The following KIF4B variants were observed in gnomAD, a reference collection of about 807,000 sequenced individuals.
KIF4B encodes kinesin family member 4B.
Under a neutral mutation model 69.0 loss-of-function variants are expected in KIF4B, and 60 were observed. The observed-to-expected ratio is 0.87, with a 90% CI of 0.71 to 1.08. The LOEUF (loss-of-function observed/expected upper bound fraction) is 1.08, where lower values mean the gene tolerates loss of function less well. Ranked by LOEUF, KIF4B falls within the 50% of genes least tolerant of loss-of-function variation. The pLI is 0.00. For missense variants in KIF4B, 1,357 were observed against 1,451.9 expected (o/e 0.93, Z 1.06); for synonymous variants, 489 against 533.0 (o/e 0.92, Z 1.14).
rs987610329 is a variant in KIF4B, at chr5:155,014,499, G to A, written c.640G>A (p.Ala214Thr). 19 of 1,613,970 alleles carry A rather than the reference G, an allele frequency of 1.2e-5. No individual in the cohort carries two copies. The African/African-American group carries it at 2.1e-4, about 18-fold the overall frequency. Residue 214 changes from alanine (A) to threonine (T), a missense_variant, in exon 1 of 1, where the codon GCC becomes ACC. Coordinates refer to ENST00000435029, the MANE Select transcript of KIF4B (RefSeq NM_001099293.3). ...GAACTCCCAGTCGTCCCGATCTCATGCCATCTTTACAATCTCCATAGAGCA... is the reference window on the plus strand; with the variant it reads ...GAACTCCCAGTCGTCCCGATCTCATACCATCTTTACAATCTCCATAGAGCA... ...AMNSQSSRSH[A>T]IFTISIEQRK... is the part of the protein sequence containing the mutation.
chr5:155,016,968 C>A lies in KIF4B; in HGVS notation c.3109C>A (p.Gln1037Lys), dbSNP rs1477992451. The A allele has an allele frequency of 1.2e-6, 2 of 1,614,194 alleles. No homozygotes were observed. The highest frequency in any genetic ancestry group is 1.7e-5 in the Admixed American group (1 of 60,028). ...TCGTGTTAAAGAAAAGTTTCTGGAG[C>A]AAAGCATGGACATCGAGGATCTAAA... The part of the protein sequence containing the change: ...PSRVKEKFLE[Q>K]SMDIEDLKYC... The change falls in exon 1 of 1, where the codon CAA (glutamine) becomes AAA (lysine). Residue 1037 changes from glutamine (Q) to lysine (K), a missense_variant. By Grantham distance (53) the Gln-to-Lys change is moderately conservative. Transcript: ENST00000435029.
At position 155,013,994 on chromosome 5, in the gene KIF4B, T is replaced by C; in HGVS notation, c.135T>C (p.Thr45=). ...GGGAGACTCAGGTGGTGGTTGGTAC[T>C]GATAAATCCTTCACCTACGATTTTG... ...VPGETQVVVG[T]DKSFTYDFVF... Residue 45 remains threonine (T), a synonymous_variant, in exon 1 of 1, where the codon ACT becomes ACC. Coordinates refer to ENST00000435029, the MANE Select transcript of KIF4B (RefSeq NM_001099293.3). The C allele has an allele frequency of 1.2e-6, 2 of 1,614,258 alleles. No individual in the cohort carries two copies. Among genetic ancestry groups the C allele is most frequent in the Non-Finnish European group, 1.7e-6 (2 of 1,180,048 alleles).
chr5:155,016,244 C>G lies in KIF4B; in HGVS notation c.2385C>G (p.Leu795=), dbSNP rs200288999. 8.1e-6 allele frequency: 13 copies of G among 1,614,144 alleles called. No homozygotes were observed. In the African/African-American group the frequency reaches 9.3e-5, roughly 12 times the overall value. ...KESRENPPPK[L]RKCTFSLSEV... Reference sequence around the variant, plus strand: ...CTCGGGAGAATCCACCTCCTAAACTCCGGAAGTGTACATTCTCCCTTTCTG... The same window carrying G: ...CTCGGGAGAATCCACCTCCTAAACTGCGGAAGTGTACATTCTCCCTTTCTG... The change falls in exon 1 of 1, where the codon CTC becomes CTG. Residue 795 remains leucine (L), a synonymous_variant. Coordinates refer to ENST00000435029, the MANE Select transcript of KIF4B (RefSeq NM_001099293.3).
At position 155,013,897 on chromosome 5, in the gene KIF4B, C is replaced by A; in HGVS notation, c.38C>A (p.Ala13Glu). The change falls in exon 1 of 1, where the codon GCA becomes GAA. Residue 13 changes from alanine to glutamate, a missense_variant. Ala to Glu is a moderately radical substitution (Grantham distance 107). Transcript: ENST00000435029. ...EEVKGIPVRVALRCRPLVPKE... is the reference protein window; with the variant it reads ...EEVKGIPVRVELRCRPLVPKE... ...GTGAAGGGAATTCCTGTAAGAGTGG[C>A]ACTGCGTTGTCGCCCTCTGGTCCCC... is the stretch of plus-strand genomic sequence containing the variant. 1 of 1,614,040 alleles carries A rather than the reference C, an allele frequency of 6.2e-7. No homozygotes were observed. Among genetic ancestry groups the A allele is most frequent in the Non-Finnish European group, 8.5e-7 (1 of 1,180,040 alleles).
chr5:155,017,036 T>A lies in KIF4B; in HGVS notation c.3177T>A (p.Asp1059Glu). The A allele has an allele frequency of 6.2e-7, 1 of 1,614,190 alleles. No homozygotes were observed. The highest frequency in any genetic ancestry group is 2.2e-5 in the East Asian group (1 of 44,886). ...EHSVNEHEDGDGDGDSDEGDD... is the reference protein window; with the variant it reads ...EHSVNEHEDGEGDGDSDEGDD... ...CTGTGAATGAGCATGAAGATGGTGA[T>A]GGTGATGGCGACAGTGATGAGGGGG... is the stretch of plus-strand genomic sequence containing the variant. The change falls in exon 1 of 1, where the codon GAT becomes GAA. Residue 1059 changes from aspartate to glutamate, a missense_variant. Physicochemically the swap from Asp to Glu is conservative, Grantham distance 45 (BLOSUM62 2). Transcript: ENST00000435029.
rs1765312907 is a variant in KIF4B at position 155,015,629 on chromosome 5, C to G, written c.1770C>G (p.Asn590Lys). 4.3e-6 allele frequency: 7 copies of G among 1,614,154 alleles called. No individual in the cohort carries two copies. In the East Asian group the frequency reaches 1.6e-4, roughly 36 times the overall value. The change falls in exon 1 of 1, where the codon AAC becomes AAG. Residue 590 changes from asparagine to lysine, a missense_variant. Transcript: ENST00000435029. Reference sequence around the variant, plus strand: ...TTCAGACAGCAAAGAAGAATGTCAACCAAGCCAAGCTGAGTGAGCACCGCC... The same window carrying G: ...TTCAGACAGCAAAGAAGAATGTCAAGCAAGCCAAGCTGAGTGAGCACCGCC... The part of the protein sequence containing the change: ...RELQTAKKNV[N>K]QAKLSEHRHK...
Position 155,015,818 on chromosome 5 carries a change from A to G in KIF4B, c.1959A>G (p.Gln653=), listed in dbSNP as rs1252583796. 1 of 1,614,262 alleles carries G rather than the reference A, an allele frequency of 6.2e-7. No individual in the cohort carries two copies. The highest frequency in any genetic ancestry group is 1.1e-5 in the South Asian group (1 of 91,086). Residue 653 remains glutamine (Q), a synonymous_variant, in exon 1 of 1, where the codon CAA becomes CAG. Transcript: ENST00000435029. ...ACCAGCGGGTACAGTTAATGCGTCA[A>G]ATGAAAGAGGATGCTGAGAAGTTTA... is the stretch of plus-strand genomic sequence containing the variant. The part of the protein sequence containing the change: ...MKNQRVQLMR[Q]MKEDAEKFRQ...
chr5:155,014,970 G>A lies in KIF4B; in HGVS notation c.1111G>A (p.Gly371Ser), dbSNP rs372387001. ...LQVLLLQAHG[G>S]TLPGSINAEP... ...AGTCTTGTTGCTACAAGCCCATGGA[G>A]GTACCCTGCCTGGATCTATAAATGC... The change falls in exon 1 of 1, where the codon GGT (glycine) becomes AGT (serine). Residue 371 changes from glycine (G) to serine (S), a missense_variant. Physicochemically the swap from Gly to Ser is moderately conservative, Grantham distance 56 (BLOSUM62 0). Transcript: ENST00000435029. 1 of 1,614,180 alleles carries A rather than the reference G, an allele frequency of 6.2e-7. No individual in the cohort carries two copies. Among genetic ancestry groups the A allele is most frequent in the South Asian group, 1.1e-5 (1 of 91,092 alleles).
In KIF4B at chr5:155,015,932, A is replaced by T. The variant is rs144537396; in HGVS notation, c.2073A>T (p.Arg691Ser). The change falls in exon 1 of 1, where the codon AGA (arginine) becomes AGT (serine). Residue 691 changes from arginine to serine, a missense_variant. Arg to Ser is a moderately radical substitution (Grantham distance 110). Transcript: ENST00000435029. ...AATATGAGCTGCTCAAACTTGAAAG[A>T]AACTTCCAGAAACAATCCAGTGTGC... is the stretch of plus-strand genomic sequence containing the variant. ...KRQYELLKLE[R>S]NFQKQSSVLR... 6.2e-7 allele frequency: 1 copy of T among 1,614,266 alleles called. No individual in the cohort carries two copies. The highest frequency in any genetic ancestry group is 1.3e-5 in the African/African-American group (1 of 75,070).
Position 155,015,231 on chromosome 5 carries a change from G to T in KIF4B, c.1372G>T (p.Glu458Ter), listed in dbSNP as rs1414542412. 21 of 1,614,060 alleles carry T rather than the reference G, an allele frequency of 1.3e-5. No individual in the cohort carries two copies. The highest frequency in any genetic ancestry group is 1.7e-5 in the Non-Finnish European group (20 of 1,180,050). ...QKLVETLEDQ[E>*]LKENVEIICN... ...GCTAGTGGAGACTTTGGAAGACCAG[G>T]AATTGAAAGAAAATGTAGAGATAAT... The change falls in exon 1 of 1, where the codon GAA (glutamate) becomes TAA (stop). Residue 458 changes from glutamate to a stop codon, truncating the protein, a stop_gained. Coordinates refer to ENST00000435029, the MANE Select transcript of KIF4B (RefSeq NM_001099293.3). LOFTEE classifies it high-confidence loss of function.
chr5:155,017,242 G>A lies in KIF4B; in HGVS notation c.3383G>A (p.Ser1128Asn). Residue 1128 changes from serine to asparagine, a missense_variant, in exon 1 of 1, where the codon AGC becomes AAC. Ser to Asn is a conservative substitution (Grantham distance 46, BLOSUM62 1). Coordinates refer to ENST00000435029, the MANE Select transcript of KIF4B (RefSeq NM_001099293.3). ...KCRNRQQGKD[S>N]LGTVEQTQDS... Reference sequence around the variant, plus strand: ...CGGAACCGCCAGCAAGGCAAGGATAGCTTGGGCACTGTTGAACAGACCCAG... The same window carrying A: ...CGGAACCGCCAGCAAGGCAAGGATAACTTGGGCACTGTTGAACAGACCCAG... 6.2e-7 allele frequency: 1 copy of A among 1,614,226 alleles called. No individual in the cohort carries two copies. Among genetic ancestry groups the A allele is most frequent in the Non-Finnish European group, 8.5e-7 (1 of 1,180,044 alleles).
rs1446702250 is a variant in KIF4B at position 155,014,440 on chromosome 5, G to A, written c.581G>A (p.Gly194Asp). ...GATACTGTTTCCTGTTTGGAGCAGG[G>A]CAACAACTCTAGGACTGTGGCCTCC... ...ALDTVSCLEQ[G>D]NNSRTVASTA... is the part of the protein sequence containing the mutation. Residue 194 changes from glycine (G) to aspartate (D), a missense_variant, in exon 1 of 1, where the codon GGC becomes GAC. By Grantham distance (94) the Gly-to-Asp change is moderately conservative. Coordinates refer to ENST00000435029, the MANE Select transcript of KIF4B (RefSeq NM_001099293.3). 10 of 1,614,156 alleles carry A rather than the reference G, an allele frequency of 6.2e-6. No homozygotes were observed. Among genetic ancestry groups the A allele is most frequent in the Non-Finnish European group, 8.5e-6 (10 of 1,180,018 alleles).
At position 155,014,738 on chromosome 5, in the gene KIF4B, A is replaced by G; in HGVS notation, c.879A>G (p.Leu293=). The G allele has an allele frequency of 1.2e-6, 2 of 1,614,176 alleles. No homozygotes were observed. Among genetic ancestry groups the G allele is most frequent in the African/African-American group, 2.7e-5 (2 of 75,042 alleles). ...TTGTGCCCTACAGAGATTCCAAGTT[A>G]ACTCGACTGCTGCAAGATTCTCTAG... ...GSFVPYRDSK[L]TRLLQDSLGG... Residue 293 remains leucine (L), a synonymous_variant, in exon 1 of 1, where the codon TTA becomes TTG. Transcript: ENST00000435029.
Position 155,015,400 on chromosome 5 carries a change from A to C in KIF4B, c.1541A>C (p.Gln514Pro). The C allele has an allele frequency of 3.1e-6, 5 of 1,614,210 alleles. No individual in the cohort carries two copies. Among genetic ancestry groups the C allele is most frequent in the Non-Finnish European group, 4.2e-6 (5 of 1,180,034 alleles). Reference sequence around the variant, plus strand: ...AGGTCTTCTGACGCTTTTACCACTCAGCATGCTCTCCATCAAGCTCAGATG... The same window carrying C: ...AGGTCTTCTGACGCTTTTACCACTCCGCATGCTCTCCATCAAGCTCAGATG... ...TSRSSDAFTTQHALHQAQMSK... is the reference protein window; with the variant it reads ...TSRSSDAFTTPHALHQAQMSK... The change falls in exon 1 of 1, where the codon CAG (glutamine) becomes CCG (proline). Residue 514 changes from glutamine to proline, a missense_variant. Transcript: ENST00000435029.
rs200454857 is a variant in KIF4B, at chr5:155,014,983, G to T, written c.1124G>T (p.Gly375Val). ...LLQAHGGTLP[G>V]SINAEPSENL... is the part of the protein sequence containing the mutation. ...CAAGCCCATGGAGGTACCCTGCCTGGATCTATAAATGCAGAACCATCAGAG... is the reference window on the plus strand; with the variant it reads ...CAAGCCCATGGAGGTACCCTGCCTGTATCTATAAATGCAGAACCATCAGAG... The change falls in exon 1 of 1, where the codon GGA (glycine) becomes GTA (valine). Residue 375 changes from glycine (G) to valine (V), a missense_variant. Transcript: ENST00000435029. 6.2e-7 allele frequency: 1 copy of T among 1,614,182 alleles called. No individual in the cohort carries two copies. Among genetic ancestry groups the T allele is most frequent in the East Asian group, 2.2e-5 (1 of 44,884 alleles).
Position 155,014,984 on chromosome 5 carries a change from A to T in KIF4B, c.1125A>T (p.Gly375=), listed in dbSNP as rs1765298925. 2 of 1,614,220 alleles carry T rather than the reference A, an allele frequency of 1.2e-6. No homozygotes were observed. The highest frequency in any genetic ancestry group is 1.7e-5 in the Admixed American group (1 of 60,020). ...LLQAHGGTLP[G]SINAEPSENL... ...AAGCCCATGGAGGTACCCTGCCTGG[A>T]TCTATAAATGCAGAACCATCAGAGA... The change falls in exon 1 of 1, where the codon GGA becomes GGT. Residue 375 remains glycine, a synonymous_variant. Coordinates refer to ENST00000435029, the MANE Select transcript of KIF4B (RefSeq NM_001099293.3).
chr5:155,015,934 A>T lies in KIF4B; in HGVS notation c.2075A>T (p.Asn692Ile). The change falls in exon 1 of 1, where the codon AAC becomes ATC. Residue 692 changes from asparagine to isoleucine, a missense_variant. Physicochemically the swap from Asn to Ile is moderately radical, Grantham distance 149. Coordinates refer to ENST00000435029, the MANE Select transcript of KIF4B (RefSeq NM_001099293.3). ...TATGAGCTGCTCAAACTTGAAAGAAACTTCCAGAAACAATCCAGTGTGCTC... is the reference window on the plus strand; with the variant it reads ...TATGAGCTGCTCAAACTTGAAAGAATCTTCCAGAAACAATCCAGTGTGCTC... ...RQYELLKLER[N>I]FQKQSSVLRR... is the part of the protein sequence containing the mutation. 1 of 1,614,256 alleles carries T rather than the reference A, an allele frequency of 6.2e-7. No individual in the cohort carries two copies. The highest frequency in any genetic ancestry group is 8.5e-7 in the Non-Finnish European group (1 of 1,180,044).
chr5:155,016,174 A>G lies in KIF4B; in HGVS notation c.2315A>G (p.Lys772Arg). ...RHLNDLLEDR[K>R]ILAQDVVQLK... ...CTGAATGACCTCCTTGAAGACAGAA[A>G]GATCCTGGCTCAGGATGTGGTTCAA... Residue 772 changes from lysine (K) to arginine (R), a missense_variant, in exon 1 of 1, where the codon AAG (lysine) becomes AGG (arginine). Lys to Arg is a conservative substitution (Grantham distance 26). Coordinates refer to ENST00000435029, the MANE Select transcript of KIF4B (RefSeq NM_001099293.3). 2 of 1,614,208 alleles carry G rather than the reference A, an allele frequency of 1.2e-6. No individual in the cohort carries two copies. Among genetic ancestry groups the G allele is most frequent in the Non-Finnish European group, 1.7e-6 (2 of 1,180,034 alleles).
Position 155,013,786 on chromosome 5 carries a change from T to A in KIF4B, c.-74T>A. ...GAAACTTGGCGGTTAAAGCTCCGGC[T>A]GGGACAGGGCGGCGGGAGACCCCGG... is the stretch of plus-strand genomic sequence containing the variant. On this transcript the variant is annotated 5_prime_UTR_variant, in exon 1 of 1. Coordinates refer to ENST00000435029, the MANE Select transcript of KIF4B (RefSeq NM_001099293.3). 8 of 1,583,602 alleles carry A rather than the reference T, an allele frequency of 5.1e-6. No individual in the cohort carries two copies. The highest frequency in any genetic ancestry group is 6.9e-6 in the Non-Finnish European group (8 of 1,163,492).
Sources: gnomAD v4.1 joint callset for allele counts on GRCh38, gnomAD v4.1.1 for gene constraint, MANE v1.5 for transcripts, NCBI Gene and HGNC (gene_info 2026-07-23, HGNC 2026-07-21) for gene names.